The following CADPS2 variants were observed in gnomAD, a reference collection of about 807,000 sequenced individuals.
The protein encoded by CADPS2 is calcium-dependent secretion activator 2.
In CADPS2, 93 loss-of-function variants were observed where a neutral mutation model predicts 172.5. The ratio of observed to expected loss-of-function variants is 0.54; its 90% CI spans 0.46 to 0.64. The LOEUF is 0.64. CADPS2 is among the 30% of genes least tolerant of loss of function. The probability of loss-of-function intolerance (pLI) is 0.00; values close to 1 mark genes in which losing one functional copy is unlikely to be tolerated. For missense variants in CADPS2, 1,420 were observed against 1,565.9 expected (o/e 0.91, Z 1.57); for synonymous variants, 546 against 555.2 (o/e 0.98, Z 0.23).
intron 1 of CADPS2, among the ~76,000 whole-genome samples, chr7:122,790,307 G>A (rs1019928660): frequency 6.6e-6 from 1 of 151,326 alleles, no homozygotes; most frequent in Non-Finnish European, 1.5e-5. Context: ...GCTAAAGCAG[G>A]AGGATCCCTT....
intron 22 of CADPS2, among the ~76,000 whole-genome samples, chr7:122,390,540 T>C (rs2044243240): frequency 6.6e-6 from 1 of 151,994 alleles, no homozygotes; most frequent in African/African-American, 2.4e-5. Flanking sequence ...AAACAAAATC[T>C]CTAATGGTAA....
rs376322077 is a variant in CADPS2, at chr7:122,866,048, G to C, written c.339+19951C>G. On this transcript the variant is annotated intron_variant, in intron 1 of 29. Transcript: ENST00000449022. ...TTAATAGTTAAAAGAATTTCTTCTGGGAATGTGACTGGGAATGGGAAAAAG... is the reference window on the plus strand; with the variant it reads ...TTAATAGTTAAAAGAATTTCTTCTGCGAATGTGACTGGGAATGGGAAAAAG... 2.0e-5 allele frequency among the ~76,000 whole-genome samples: 3 copies of C among 152,292 alleles called. No individual in the cohort carries two copies. In the East Asian group the frequency reaches 5.8e-4, roughly 29 times the overall value.
At chr7:122,395,122 C>G (rs1236081413) in intron 20 of CADPS2, among the ~76,000 whole-genome samples, 1 of 152,126 alleles carries the variant, frequency 6.6e-6, no homozygotes, top group African/African-American at 2.4e-5. Context: ...ATCCCAAAAG[C>G]CTAATAGTGT....
rs1453900042 is a variant in CADPS2 at position 122,361,010 on chromosome 7, C to T, written c.3391G>A (p.Val1131Ile). 2 of 1,612,850 alleles carry T rather than the reference C, an allele frequency of 1.2e-6. No homozygotes were observed. Among genetic ancestry groups the T allele is most frequent in the Admixed American group, 1.7e-5 (1 of 59,988 alleles). The change falls in exon 26 of 30, where the codon GTT becomes ATT. Residue 1131 changes from valine to isoleucine, a missense_variant. Transcript: ENST00000449022. ...GACAACACGCCTTCCAACACTGAAACAAACTATAATACAGTTATAGTGAGT... is the reference window on the plus strand; with the variant it reads ...GACAACACGCCTTCCAACACTGAAATAAACTATAATACAGTTATAGTGAGT... ...EIISLLVSKFVSVLEGVLSKL... is the reference protein window; with the variant it reads ...EIISLLVSKFISVLEGVLSKL...
At chr7:122,479,650 T>C (rs2057066416) in intron 12 of CADPS2, among the ~76,000 whole-genome samples, 1 of 152,176 alleles carries the variant, frequency 6.6e-6, no homozygotes, top group Non-Finnish European at 1.5e-5. Context: ...AGTAATACTT[T>C]TGCATGATGA....
At chr7:122,411,879 T>C (rs1297275685) in intron 19 of CADPS2, among the ~76,000 whole-genome samples, 1 of 152,180 alleles carries the variant, frequency 6.6e-6, no homozygotes, top group Non-Finnish European at 1.5e-5. Context: ...ACAACTTCCG[T>C]GATTCACTGA....
At chr7:122,754,727 G>A (rs571998844) in intron 1 of CADPS2, among the ~76,000 whole-genome samples, 17 of 152,156 alleles carry the variant, frequency 1.1e-4, no homozygotes, top group Non-Finnish European at 2.1e-4. Context: ...TGCCTGCCTC[G>A]GCCTCCCAAA....
chr7:122,436,686 A>T (rs2050683575), intron 17 of CADPS2, among the ~76,000 whole-genome samples: 1 of 152,000 alleles, frequency 6.6e-6, no homozygotes, highest in Non-Finnish European at 1.5e-5. Context: ...TTCTTCCATT[A>T]GACCAGAGAT....
rs200747929 is a variant in CADPS2 at position 122,856,446 on chromosome 7, TC to T, written c.339+29552del. On this transcript the variant is annotated intron_variant, in intron 1 of 29. Transcript: ENST00000449022. ...CTTCTCTTTCTTCTCTTCTTGTTCA[TC>T]TTTACCTTCACCACCTCATTCATGC... Among the ~76,000 whole-genome samples, 798 of 152,228 alleles carry T rather than the reference TC, an allele frequency of 5.2e-3. 8 individuals carry two copies. The highest frequency in any genetic ancestry group is 0.019 in the African/African-American group (774 of 41,540).
At chr7:122,371,621 T>C (rs1199422981) in intron 25 of CADPS2, among the ~76,000 whole-genome samples, 6 of 149,216 alleles carry the variant, frequency 4.0e-5, no homozygotes, top group Admixed American at 6.7e-5. Context: ...ATATCAAGGG[T>C]GAAGTGGGGG....
chr7:122,629,826 T>C (rs1343653619), intron 3 of CADPS2, among the ~76,000 whole-genome samples: 1 of 152,138 alleles, frequency 6.6e-6, no homozygotes, highest in African/African-American at 2.4e-5. Context: ...CTAATACCAG[T>C]AGACTAATAC....
At chr7:122,728,705 T>G (rs1403014274) in intron 2 of CADPS2, among the ~76,000 whole-genome samples, 1 of 151,750 alleles carries the variant, frequency 6.6e-6, no homozygotes. Flanking sequence ...GGGAGCTTTG[T>G]TTTTATTTTT....
chr7:122,634,717 T>G (rs2076896713), intron 3 of CADPS2, among the ~76,000 whole-genome samples: 1 of 152,200 alleles, frequency 6.6e-6, no homozygotes, highest in Admixed American at 6.5e-5. Context: ...GTTGGATGTT[T>G]TCCTAGTTCC....
intron 9 of CADPS2, among the ~76,000 whole-genome samples, chr7:122,510,631 G>C (rs140851252): frequency 2.9e-4 from 44 of 152,240 alleles, no homozygotes; most frequent in Non-Finnish European, 1.5e-5. Flanking sequence ...TATCAACAGA[G>C]CATCATTCTG....
In CADPS2 at chr7:122,600,576, G is replaced by A. The variant is rs149037521; in HGVS notation, c.1223+14605C>T. Among the ~76,000 whole-genome samples the A allele has an allele frequency of 2.0e-5, 3 of 152,174 alleles. No individual in the cohort carries two copies. In the East Asian group the frequency reaches 5.8e-4, roughly 29 times the overall value. ...CTGTAATTTTAATGAGTTTGCCACA[G>A]CAGAAATCAAGACCCCTGCTCTAAG... On this transcript the variant is annotated intron_variant, in intron 6 of 29. Coordinates refer to ENST00000449022, the MANE Select transcript of CADPS2 (RefSeq NM_017954.11).
chr7:122,515,738 T>G (rs1164845238), intron 8 of CADPS2, among the ~76,000 whole-genome samples: 1 of 151,338 alleles, frequency 6.6e-6, no homozygotes, highest in African/African-American at 2.4e-5. Flanking sequence ...GCATAAAGAA[T>G]AATAATCAGC....
At chr7:122,834,697 C>T (rs542231599) in intron 1 of CADPS2, among the ~76,000 whole-genome samples, 3 of 152,324 alleles carry the variant, frequency 2.0e-5, no homozygotes, top group African/African-American at 7.2e-5. Context: ...GCTAGCACAG[C>T]AGTCTGAGAT....
At chr7:122,883,440 T>C (rs1345802293) in intron 1 of CADPS2, among the ~76,000 whole-genome samples, 2 of 152,200 alleles carry the variant, frequency 1.3e-5, no homozygotes, top group African/African-American at 4.8e-5. Flanking sequence ...CTATTAAATC[T>C]TTTTACTGGA....
intron 24 of CADPS2, among the ~76,000 whole-genome samples, chr7:122,384,446 GT>G (rs1291175726): frequency 2.6e-5 from 4 of 151,788 alleles, no homozygotes; most frequent in Non-Finnish European, 5.9e-5. Flanking sequence ...CAACAACTTT[GT>G]TGCTTTTTAT....
Sources: gnomAD v4.1 joint callset for allele counts (sites outside exome capture counted in the v4.1 genomes callset) on GRCh38, gnomAD v4.1.1 for gene constraint, MANE v1.5 for transcripts, NCBI Gene and HGNC (gene_info 2026-07-23, HGNC 2026-07-21) for gene names.